Variants in UBE2E1 observed in about 807,000 individuals in gnomAD.
UBE2E1 encodes ubiquitin conjugating enzyme E2 E1, also known as ubiquitin-conjugating enzyme E2 E1.
A neutral mutation model predicts 21.4 loss-of-function variants in UBE2E1; 6 were observed. The ratio of observed to expected loss-of-function variants is 0.28; its 90% confidence interval spans 0.15 to 0.55. The LOEUF (loss-of-function observed/expected upper bound fraction) is 0.55, where lower values mean the gene tolerates loss of function less well. Among genes scored for constraint, UBE2E1 ranks in the 20% least tolerant of loss-of-function variants. The probability of loss-of-function intolerance (pLI) is 0.93; values close to 1 mark genes in which losing one functional copy is unlikely to be tolerated. For missense variants in UBE2E1, 142 were observed against 236.5 expected, an observed-to-expected ratio of 0.60 and a Z score of 2.62; for synonymous variants, 87 against 82.7, an observed-to-expected ratio of 1.05 and a Z score of -0.28.
intron 3 of UBE2E1, among the ~76,000 whole-genome samples, chr3:23,846,698 CAAAAA>C (rs10662469): frequency 1.1e-5 from 1 of 89,850 alleles, no homozygotes; most frequent in Non-Finnish European, 2.0e-5. Context: ...TCCATCTCAT[CAAAAA>C]AAAAAAAAAA....
chr3:23,864,874 T>G (rs1158881919), intron 3 of UBE2E1, among the ~76,000 whole-genome samples: 1 of 152,186 alleles, frequency 6.6e-6, no homozygotes, highest in African/African-American at 2.4e-5. Flanking sequence ...GAAAGAAAAC[T>G]GGGGTCTTAC....
intron 3 of UBE2E1, among the ~76,000 whole-genome samples, chr3:23,852,567 T>C (rs1487123927): frequency 6.6e-6 from 1 of 152,218 alleles, no homozygotes. Context: ...ATCGTGTTAC[T>C]TCTTTTCCAA....
intron 3 of UBE2E1, among the ~76,000 whole-genome samples, chr3:23,881,516 T>A (rs371652035): frequency 9.9e-5 from 15 of 152,164 alleles, no homozygotes; most frequent in African/African-American, 2.7e-4. Context: ...TGGGTTTTTT[T>A]AAAAAGGCAC....
Position 23,810,576 on chromosome 3 carries a change from C to T in UBE2E1, c.153-884C>T, listed in dbSNP as rs1167970211. The stretch of plus-strand genomic sequence containing the variant: ...TCCCGGCCAGCGTGCGGGGCGGAGG[C>T]AGGGTCCGGTGCACCTGTGCGGCCG... On this transcript the variant is annotated intron_variant, in intron 2 of 5. Transcript: ENST00000306627. This position sits in a 1 kb window ranked among gnomAD's most constrained non-coding sequence, Gnocchi z 5.8. 2 of 1,506,716 alleles carry T rather than the reference C, an allele frequency of 1.3e-6. No homozygotes were observed. The highest frequency in any genetic ancestry group is 1.8e-6 in the Non-Finnish European group (2 of 1,127,094). The allele number at this position is 1,506,716 out of a possible 1,614,324, so 93.3% of individuals were successfully genotyped here.
intron 2 of UBE2E1, 66 bp from the exon 3 acceptor site, chr3:23,811,394 T>C (rs921445967): frequency 5.9e-6 from 9 of 1,518,558 alleles, no homozygotes; most frequent in Admixed American, 1.7e-5. Context: ...ACCTGCACGC[T>C]ACAGGTGGGA....
At chr3:23,868,121 A>C (rs1186852772) in intron 3 of UBE2E1, among the ~76,000 whole-genome samples, 2 of 152,192 alleles carry the variant, frequency 1.3e-5, no homozygotes, top group Admixed American at 6.5e-5. Flanking sequence ...GTTCCTAAGC[A>C]ACTTTGTTGT....
At chr3:23,878,253 G>T (rs1315445258) in intron 3 of UBE2E1, among the ~76,000 whole-genome samples, 1 of 152,132 alleles carries the variant, frequency 6.6e-6, no homozygotes, top group Non-Finnish European at 1.5e-5. Context: ...AGCTTCAGTA[G>T]CACCCAGGAG....
Position 23,848,658 on chromosome 3 carries a change from C to T in UBE2E1, c.203+37148C>T, listed in dbSNP as rs941254217. ...ATAATGTGATATAATCAGTAACTAC[C>T]CTGACAGTTCAGATATGGGAGAAAT... On this transcript the variant is annotated intron_variant, in intron 3 of 5. Transcript: ENST00000306627. Among the ~76,000 whole-genome samples, 8 of 151,874 alleles carry T rather than the reference C, an allele frequency of 5.3e-5. No individual in the cohort carries two copies. The South Asian group carries it at 1.7e-3, about 32-fold the overall frequency.
intron 3 of UBE2E1, among the ~76,000 whole-genome samples, chr3:23,860,562 T>C (rs1267567587): frequency 6.6e-6 from 1 of 152,254 alleles, no homozygotes; most frequent in African/African-American, 2.4e-5. Flanking sequence ...GCTTACGTGG[T>C]GTTGAATGTG....
Position 23,806,620 on chromosome 3 carries a change from A to AGGCC in UBE2E1, c.-34+535_-34+538dup, listed in dbSNP as rs1227129545. 6.7e-6 allele frequency among the ~76,000 whole-genome samples: 1 copy of AGGCC among 148,434 alleles called. No individual in the cohort carries two copies. Among genetic ancestry groups the AGGCC allele is most frequent in the Admixed American group, 6.6e-5 (1 of 15,042 alleles). On this transcript the variant is annotated intron_variant, in intron 1 of 5. Transcript: ENST00000306627. The surrounding 1 kb of genome is among the most constrained non-coding windows in gnomAD (Gnocchi z 6.5). Reference sequence around the variant, plus strand: ...GTGAGCAGGGCGGCCAGAGGCAGGCAGGCCGGGAGGGGCGTCGGGGCGCGG... The same window carrying AGGCC: ...GTGAGCAGGGCGGCCAGAGGCAGGCAGGCCGGCCGGGAGGGGCGTCGGGGCGCGG...
At chr3:23,818,663 A>G (rs1699578886) in intron 3 of UBE2E1, among the ~76,000 whole-genome samples, 1 of 152,210 alleles carries the variant, frequency 6.6e-6, no homozygotes, top group Admixed American at 6.6e-5. Flanking sequence ...AGCTTTGCAC[A>G]CATTGAATCT....
In UBE2E1 at chr3:23,816,214, A is replaced by T. The variant is rs1010733475; in HGVS notation, c.203+4704A>T. ...TGCTATCTATGTACCCTGAATAATT[A>T]AAAACAGAGGCTCAAACAGATAACC... On this transcript the variant is annotated intron_variant, in intron 3 of 5. Coordinates refer to ENST00000306627, the MANE Select transcript of UBE2E1 (RefSeq NM_003341.5). This position sits in a 1 kb window ranked among gnomAD's most constrained non-coding sequence, Gnocchi z 4.8. Among the ~76,000 whole-genome samples the T allele has an allele frequency of 6.6e-6, 1 of 152,236 alleles. No individual in the cohort carries two copies. Among genetic ancestry groups the T allele is most frequent in the African/African-American group, 2.4e-5 (1 of 41,460 alleles).
intron 3 of UBE2E1, among the ~76,000 whole-genome samples, chr3:23,813,314 G>A (rs1238755616): frequency 2.0e-5 from 3 of 152,144 alleles, no homozygotes; most frequent in Non-Finnish European, 4.4e-5. Context: ...CAATAAAGAT[G>A]ACTTTATTTT....
At position 23,842,198 on chromosome 3, in the gene UBE2E1, G is replaced by GGGGGGTGTGTGTGTGTGT. The variant is rs1553637704; in HGVS notation, c.203+30689_203+30690insGGGGTGTGTGTGTGTGTG. Among the ~76,000 whole-genome samples, 37 of 104,356 alleles carry GGGGGGTGTGTGTGTGTGT rather than the reference G, an allele frequency of 3.5e-4. No individual in the cohort carries two copies. The highest frequency in any genetic ancestry group is 1.3e-3 in the African/African-American group (36 of 27,700). 68.5% of individuals were successfully genotyped at this position (104,356 alleles called of 152,430 possible). On this transcript the variant is annotated intron_variant, in intron 3 of 5. Coordinates refer to ENST00000306627, the MANE Select transcript of UBE2E1 (RefSeq NM_003341.5). This position sits in a 1 kb window ranked among gnomAD's most constrained non-coding sequence, Gnocchi z 4.6. ...TATGTCATGACCCAGTAAGTGAAGGGGTGTGTGTGTGTGTGTGTGTGTGTG... is the reference window on the plus strand; with the variant it reads ...TATGTCATGACCCAGTAAGTGAAGGGGGGGGTGTGTGTGTGTGTGTGTGTGTGTGTGTGTGTGTGTGTG...
At chr3:23,890,420 C>T (rs1287242459) in intron 5 of UBE2E1, 89 bp from the exon 6 acceptor site, 59 of 1,216,792 alleles carry the variant, frequency 4.8e-5, no homozygotes, top group East Asian at 1.2e-4. Context: ...CATACTTTGT[C>T]GTACGTATCT....
chr3:23,813,387 G>C (rs1205996264), intron 3 of UBE2E1, among the ~76,000 whole-genome samples: 1 of 152,072 alleles, frequency 6.6e-6, no homozygotes, highest in East Asian at 1.9e-4. Context: ...CTTTTGGTTG[G>C]CTAATGGTGC....
At chr3:23,839,376 A>G (rs1700037758) in intron 3 of UBE2E1, among the ~76,000 whole-genome samples, 1 of 152,004 alleles carries the variant, frequency 6.6e-6, no homozygotes, top group Admixed American at 6.6e-5. Flanking sequence ...AGGTAGGAGA[A>G]TCACTTGAAC....
chr3:23,845,615 G>GTA (rs1553637996), intron 3 of UBE2E1, among the ~76,000 whole-genome samples: 1 of 150,710 alleles, frequency 6.6e-6, no homozygotes, highest in Non-Finnish European at 1.5e-5. Flanking sequence ...GTGTGTGTGT[G>GTA]TATGTGTGTG....
chr3:23,829,920 G>T (rs993852934), intron 3 of UBE2E1, among the ~76,000 whole-genome samples: 3 of 152,116 alleles, frequency 2.0e-5, no homozygotes, highest in African/African-American at 7.2e-5. Context: ...CGGAATTTCT[G>T]TAGAGAAACC....
Sources: gnomAD v4.1 joint callset for allele counts (sites outside exome capture counted in the v4.1 genomes callset) on GRCh38, gnomAD v4.1.1 for gene constraint, Gnocchi (gnomAD v3.1) non-coding constraint, MANE v1.5 for transcripts, NCBI Gene and HGNC (gene_info 2026-07-23, HGNC 2026-07-21) for gene names.